The following NRXN1 variants were observed in gnomAD, a reference collection of about 807,000 sequenced individuals.
NRXN1 encodes the protein neurexin 1.
A neutral mutation model predicts 150.9 loss-of-function variants in NRXN1; 39 were observed. The ratio of observed to expected loss-of-function variants is 0.26; its 90% confidence interval spans 0.20 to 0.34. The LOEUF (loss-of-function observed/expected upper bound fraction) is 0.34, where lower values mean the gene tolerates loss of function less well. Among genes scored for constraint, NRXN1 ranks in the 10% least tolerant of loss-of-function variants. The pLI, the probability that NRXN1 is intolerant of heterozygous loss-of-function variation, is 1.00. For missense variants in NRXN1, 1,815 were observed against 1,949.9 expected (o/e 0.93, Z 1.30); for synonymous variants, 924 against 757.0 (o/e 1.22, Z -3.62).
At chr2:50,913,523 T>A (rs1684812115) in intron 5 of NRXN1, among the ~76,000 whole-genome samples, 1 of 151,864 alleles carries the variant, frequency 6.6e-6, no homozygotes, top group African/African-American at 2.4e-5. Flanking sequence ...GTTGTTTTAA[T>A]TTTCTGAATT....
chr2:49,968,825 C>A (rs1332377681), intron 21 of NRXN1, among the ~76,000 whole-genome samples: 2 of 151,954 alleles, frequency 1.3e-5, no homozygotes, highest in Non-Finnish European at 2.9e-5. Flanking sequence ...AATAGTTAGG[C>A]CTTCAGTGCT....
intron 5 of NRXN1, among the ~76,000 whole-genome samples, chr2:50,753,195 G>GA (rs199865302): frequency 0.011 from 1,647 of 151,676 alleles, 25 homozygotes; most frequent in Non-Finnish European, 0.015. Context: ...AATATTTGGA[G>GA]AAAAAAAGGT....
chr2:50,983,555 G>C (rs1697180802), intron 2 of NRXN1, among the ~76,000 whole-genome samples: 1 of 152,090 alleles, frequency 6.6e-6, no homozygotes, highest in Non-Finnish European at 1.5e-5. Flanking sequence ...ACACAGGACA[G>C]TTAACAAATT....
intron 19 of NRXN1, among the ~76,000 whole-genome samples, chr2:50,068,773 T>A (rs943239347): frequency 2.6e-5 from 4 of 152,182 alleles, no homozygotes; most frequent in Non-Finnish European, 4.4e-5. Flanking sequence ...AAAAAATATT[T>A]TTTTTACCCA....
chr2:50,898,538 G>C (rs1433124444), intron 5 of NRXN1: 1 of 441,362 alleles, frequency 2.3e-6, no homozygotes, highest in Non-Finnish European at 4.5e-6. Flanking sequence ...TAAAAGACAT[G>C]CATATATCCG....
At chr2:49,922,985 C>A (rs1248897353) in intron 22 of NRXN1, among the ~76,000 whole-genome samples, 1 of 152,102 alleles carries the variant, frequency 6.6e-6, no homozygotes, top group African/African-American at 2.4e-5. Context: ...GGTCAAAACT[C>A]TGAACTACCT....
intron 5 of NRXN1, among the ~76,000 whole-genome samples, chr2:50,773,755 A>G (rs928572908): frequency 1.3e-5 from 2 of 152,158 alleles, no homozygotes; most frequent in African/African-American, 4.8e-5. Context: ...GAAGGTTTCC[A>G]GGCCATTTGT....
intron 5 of NRXN1, among the ~76,000 whole-genome samples, chr2:50,888,016 C>T (rs1680514729): frequency 6.7e-6 from 1 of 149,544 alleles, no homozygotes; most frequent in Admixed American, 6.7e-5. Flanking sequence ...GTGGTATTTT[C>T]ATTTACATGG....
At chr2:50,637,028 C>T (rs1683326099) in intron 5 of NRXN1, among the ~76,000 whole-genome samples, 1 of 151,970 alleles carries the variant, frequency 6.6e-6, no homozygotes, top group African/African-American at 2.4e-5. Flanking sequence ...ATGGATAGAG[C>T]CCATAATTTG....
chr2:50,559,648 T>C (rs1356415228), intron 8 of NRXN1, among the ~76,000 whole-genome samples: 3 of 152,162 alleles, frequency 2.0e-5, no homozygotes, highest in Non-Finnish European at 4.4e-5. Flanking sequence ...GTTTAAACAT[T>C]ACCCAGATAC....
intron 5 of NRXN1, among the ~76,000 whole-genome samples, chr2:50,689,882 G>A (rs1452899285): frequency 6.7e-6 from 1 of 149,342 alleles, no homozygotes; most frequent in African/African-American, 2.5e-5. Context: ...GTGTGTGTGT[G>A]TGTGTGTGTG....
intron 2 of NRXN1, among the ~76,000 whole-genome samples, chr2:50,933,025 TTCC>T (rs1351623745): frequency 2.0e-5 from 3 of 152,036 alleles, no homozygotes; most frequent in Non-Finnish European, 4.4e-5. Context: ...AATAAATTGC[TTCC>T]TCAAGAAAAA....
intron 5 of NRXN1, among the ~76,000 whole-genome samples, chr2:50,720,770 A>G (rs1430752297): frequency 6.6e-6 from 1 of 152,180 alleles, no homozygotes; most frequent in Non-Finnish European, 1.5e-5. Context: ...ATTACAGTTT[A>G]GAGAAATGCT....
chr2:50,722,589 A>G (rs1031806774), intron 5 of NRXN1, among the ~76,000 whole-genome samples: 3 of 152,190 alleles, frequency 2.0e-5, no homozygotes, highest in Non-Finnish European at 4.4e-5. Context: ...AGAACACTTT[A>G]GCAAATGTTA....
At chr2:50,210,006 A>G (rs761108633) in intron 18 of NRXN1, among the ~76,000 whole-genome samples, 6 of 151,968 alleles carry the variant, frequency 3.9e-5, no homozygotes, top group Non-Finnish European at 8.8e-5. Flanking sequence ...CAACTCTCTA[A>G]CAGTATATTT....
chr2:50,665,860 G>A (rs1687949492), intron 5 of NRXN1, among the ~76,000 whole-genome samples: 2 of 151,886 alleles, frequency 1.3e-5, no homozygotes, highest in South Asian at 2.1e-4. Flanking sequence ...AATTAAGTGT[G>A]TGTACCTCCC....
At position 50,281,575 on chromosome 2, in the gene NRXN1, A is replaced by C. The variant is rs900319484; in HGVS notation, c.3365-44605T>G. ...GACTTGACAAACATATAAATATGAGATACTGTTATTATTAATGATAAAGAT... is the reference window on the plus strand; with the variant it reads ...GACTTGACAAACATATAAATATGAGCTACTGTTATTATTAATGATAAAGAT... On this transcript the variant is annotated intron_variant, in intron 17 of 22. Transcript: ENST00000401669. Among the ~76,000 whole-genome samples, 3 of 152,046 alleles carry C rather than the reference A, an allele frequency of 2.0e-5. No individual in the cohort carries two copies. In the South Asian group the frequency reaches 6.2e-4, roughly 32 times the overall value.
intron 18 of NRXN1, among the ~76,000 whole-genome samples, chr2:50,134,206 G>A (rs566516087): frequency 4.9e-5 from 7 of 143,756 alleles, no homozygotes; most frequent in Non-Finnish European, 1.0e-4. Context: ...CTAGAACTAT[G>A]ACATTTTTTG....
intron 9 of NRXN1, among the ~76,000 whole-genome samples, chr2:50,551,005 AGAGGAG>A (rs1411789996): frequency 7.0e-6 from 1 of 143,754 alleles, no homozygotes; most frequent in Non-Finnish European, 1.5e-5. Flanking sequence ...ATCAGAAAGA[AGAGGAG>A]GAGGAAGAGG....
Sources: gnomAD v4.1 joint callset for allele counts (sites outside exome capture counted in the v4.1 genomes callset) on GRCh38, gnomAD v4.1.1 for gene constraint, MANE v1.5 for transcripts, NCBI Gene and HGNC (gene_info 2026-07-23, HGNC 2026-07-21) for gene names.